FANCB: variants seen among roughly 807,000 people sequenced by gnomAD.
The protein encoded by FANCB is Fanconi anemia group B protein.
In FANCB, 5 loss-of-function variants were observed where a neutral mutation model predicts 38.9. The ratio of observed to expected loss-of-function variants is 0.13; its 90% CI spans 0.07 to 0.27. The LOEUF (loss-of-function observed/expected upper bound fraction) is 0.27, where lower values mean the gene tolerates loss of function less well. FANCB is among the 10% of genes least tolerant of loss of function. FANCB has a pLI of 1.00. For missense variants in FANCB, 573 were observed against 602.7 expected, an observed-to-expected ratio of 0.95 and a Z score of 0.52; for synonymous variants, 236 against 215.4, an observed-to-expected ratio of 1.10 and a Z score of -0.84.
chrX:14,790,200 T>C, the FANCB span, among the ~76,000 whole-genome samples: 1 of 111,934 alleles, frequency 8.9e-6, no homozygotes, highest in African/African-American at 3.2e-5. Flanking sequence ...CATAACCCCA[T>C]TTGTCACAAA....
At chrX:14,776,912 G>C in the FANCB span, among the ~76,000 whole-genome samples, 1 of 112,087 alleles carries the variant, frequency 8.9e-6, no homozygotes, top group Non-Finnish European at 1.9e-5. Context: ...TTGTAAGGCA[G>C]TTGAGGTGTT....
At chrX:14,727,040 T>C in the FANCB span, among the ~76,000 whole-genome samples, 1 of 112,155 alleles carries the variant, frequency 8.9e-6, no homozygotes, top group Middle Eastern at 4.6e-3. Flanking sequence ...TGAGGGGTTG[T>C]TTCTATTTCA....
chrX:14,842,772 AT>A (rs1261124719), downstream of FANCB, among the ~76,000 whole-genome samples: 1 of 111,278 alleles, frequency 9.0e-6, no homozygotes, highest in Non-Finnish European at 1.9e-5. Context: ...AAGCGTTTTC[AT>A]TTTTTTTCTT....
chrX:14,741,507 G>A, the FANCB span, among the ~76,000 whole-genome samples: 2 of 111,068 alleles, frequency 1.8e-5, no homozygotes, highest in Non-Finnish European at 3.8e-5. Flanking sequence ...AGAATAAATC[G>A]CCCCAGCTAG....
the FANCB span, among the ~76,000 whole-genome samples, chrX:14,709,691 T>C: frequency 1.8e-5 from 2 of 111,917 alleles, no homozygotes; most frequent in Admixed American, 1.9e-4. Flanking sequence ...TAATGGAGCA[T>C]AGACTGTGTT....
rs1350637053 is a variant in FANCB at position 14,844,940 on chromosome X, C to T, written c.1843G>A (p.Val615Ile). 1 of 1,201,327 alleles carries T rather than the reference C, an allele frequency of 8.3e-7. No individual in the cohort carries two copies. The highest frequency in any genetic ancestry group is 3.0e-5 in the East Asian group (1 of 33,730). Reference sequence around the variant, plus strand: ...CTTAAAAAAACTCTGCCACACACAACATAACGATCTTTAGGACAGTTACCA... The same window carrying T: ...CTTAAAAAAACTCTGCCACACACAATATAACGATCTTTAGGACAGTTACCA... ...ESGNCPKDRY[V>I]VCGRVFLSLE... The change falls in exon 8 of 10, where the codon GTT becomes ATT. Residue 615 changes from valine (V) to isoleucine (I), a missense_variant. By Grantham distance (29) the Val-to-Ile change is conservative (BLOSUM62 3). Coordinates refer to ENST00000650831, the MANE Select transcript of FANCB (RefSeq NM_001018113.3).
At chrX:14,821,807 T>C in the FANCB span, among the ~76,000 whole-genome samples, 16 of 111,557 alleles carry the variant, frequency 1.4e-4, 1 homozygote, top group South Asian at 4.5e-3. Context: ...CCTCAACTTA[T>C]TTAGGAGAGA....
chrX:14,871,173 A>G (rs766735850), intron 1 of FANCB, among the ~76,000 whole-genome samples: 1 of 111,204 alleles, frequency 9.0e-6, no homozygotes, highest in African/African-American at 3.3e-5. Flanking sequence ...AGATTACGCT[A>G]AAGAAGATTT....
At chrX:14,753,361 A>G in the FANCB span, among the ~76,000 whole-genome samples, 1 of 112,402 alleles carries the variant, frequency 8.9e-6, no homozygotes, top group Non-Finnish European at 1.9e-5. Context: ...GACATTTTGG[A>G]AAAATGCAAG....
At chrX:14,690,542 A>G in the FANCB span, among the ~76,000 whole-genome samples, 3 of 112,096 alleles carry the variant, frequency 2.7e-5, no homozygotes, top group Non-Finnish European at 3.8e-5. Flanking sequence ...AGTAGAATCA[A>G]TGGCTTAAGC....
the FANCB span, among the ~76,000 whole-genome samples, chrX:14,755,034 C>T: frequency 9.0e-6 from 1 of 111,731 alleles, no homozygotes; most frequent in Non-Finnish European, 1.9e-5. Flanking sequence ...TGACATATCA[C>T]ATTAACAGAA....
chrX:14,836,007 GA>G (rs1169511555), exon 11 of FANCB: 1 of 112,174 alleles, frequency 8.9e-6, no homozygotes, highest in African/African-American at 3.2e-5. Context: ...CAACAGCCAA[GA>G]AGTGGAAGCA....
chrX:14,806,866 G>T, the FANCB span, among the ~76,000 whole-genome samples: 4 of 111,632 alleles, frequency 3.6e-5, no homozygotes, highest in Non-Finnish European at 7.5e-5. Flanking sequence ...CTTGAGAAAA[G>T]AATTAACTTC....
Position 14,845,823 on chromosome X carries a change from C to T in FANCB, c.1497-537G>A, listed in dbSNP as rs777053790. On this transcript the variant is annotated intron_variant, in intron 7 of 9. Transcript: ENST00000650831. ...AGTCAGAATATTGTTCATCCCTCAG[C>T]AATTCTTTCCATATCTACATTTATA... 8.0e-5 allele frequency among the ~76,000 whole-genome samples: 9 copies of T among 111,890 alleles called. No individual in the cohort carries two copies. In the South Asian group the frequency reaches 3.3e-3, roughly 41 times the overall value.
the FANCB span, among the ~76,000 whole-genome samples, chrX:14,818,110 A>G: frequency 9.0e-6 from 1 of 111,645 alleles, no homozygotes; most frequent in East Asian, 2.8e-4. Context: ...GCTCAAAAAA[A>G]TTAGATCTGA....
chrX:14,780,140 G>A, the FANCB span, among the ~76,000 whole-genome samples: 4 of 110,621 alleles, frequency 3.6e-5, no homozygotes, highest in African/African-American at 1.4e-4. Flanking sequence ...CCCGAAGCCT[G>A]GGACCACTTA....
the FANCB span, among the ~76,000 whole-genome samples, chrX:14,698,463 G>A: frequency 9.1e-6 from 1 of 109,377 alleles, no homozygotes; most frequent in Admixed American, 9.8e-5. Context: ...TGGATCACCT[G>A]AGGGCAAGAG....
the FANCB span, among the ~76,000 whole-genome samples, chrX:14,727,602 A>T: frequency 8.9e-6 from 1 of 112,353 alleles, no homozygotes; most frequent in Non-Finnish European, 1.9e-5. Flanking sequence ...GACACTGATG[A>T]CACTGTAATA....
intron 4 of FANCB, 81 bp from the exon 5 acceptor site, chrX:14,858,035 A>T (rs2092430489): frequency 1.6e-6 from 1 of 617,811 alleles, no homozygotes; most frequent in Non-Finnish European, 2.6e-6. Flanking sequence ...ACAAAATACA[A>T]TTAAAGTATA....
Sources: gnomAD v4.1 joint callset for allele counts (sites outside exome capture counted in the v4.1 genomes callset) on GRCh38, gnomAD v4.1.1 for gene constraint, MANE v1.5 for transcripts, NCBI Gene and HGNC (gene_info 2026-07-23, HGNC 2026-07-21) for gene names.